CARS1: variants seen among roughly 807,000 people sequenced by gnomAD.
The protein encoded by CARS1 is cysteinyl-tRNA synthetase 1, also known as cysteine--tRNA ligase, cytoplasmic.
Under a neutral mutation model 106.2 loss-of-function variants are expected in CARS1, and 48 were observed. The ratio of observed to expected loss-of-function variants is 0.45; its 90% CI spans 0.36 to 0.57. The LOEUF (loss-of-function observed/expected upper bound fraction) is 0.57, where lower values mean the gene tolerates loss of function less well. Ranked by LOEUF, CARS1 falls within the 20% of genes least tolerant of loss-of-function variation. CARS1 has a pLI of 0.00. For missense variants in CARS1, 968 were observed against 1,057.2 expected (o/e 0.92, Z 1.17); for synonymous variants, 409 against 403.4 (o/e 1.01, Z -0.17).
At position 3,017,580 on chromosome 11, in the gene CARS1, T is replaced by C. The variant is rs1046144744; in HGVS notation, c.1727+277A>G. On this transcript the variant is annotated intron_variant, in intron 15 of 22. Transcript: ENST00000380525. This position sits in a 1 kb window ranked among gnomAD's most constrained non-coding sequence, Gnocchi z 4.9. ...ATCGCTCGAACCCGGGAGGTGGAGG[T>C]TGTGGTGAGCCGAGATCACGCCACT... 4.4e-5 allele frequency: 24 copies of C among 547,184 alleles called. No individual in the cohort carries two copies. The highest frequency in any genetic ancestry group is 4.0e-4 in the African/African-American group (21 of 52,702). The allele number at this position is 547,184 out of a possible 1,614,324, so 33.9% of individuals were successfully genotyped here. A position where few individuals can be genotyped will look rare whatever the true frequency, so the allele number is the denominator to read the frequency against.
In CARS1 at chr11:3,045,071, G is replaced by A. The variant is rs932426031; in HGVS notation, c.274+2682C>T. ...AAGGGTATAGCTGACACTCCTTCCCGGGGGGTAGGGAGAGGCCGGCGGGCT... is the reference window on the plus strand; with the variant it reads ...AAGGGTATAGCTGACACTCCTTCCCAGGGGGTAGGGAGAGGCCGGCGGGCT... On this transcript the variant is annotated intron_variant, in intron 2 of 22. Transcript: ENST00000380525. The surrounding 1 kb of genome is among the most constrained non-coding windows in gnomAD (Gnocchi z 5.6). Among the ~76,000 whole-genome samples, 3 of 152,070 alleles carry A rather than the reference G, an allele frequency of 2.0e-5. No homozygotes were observed. The highest frequency in any genetic ancestry group is 3.8e-4 in the East Asian group (2 of 5,196).
rs1055786636 is a variant in CARS1, at chr11:3,028,029, A to C, written c.1031+967T>G. ...GCGGTCACGCTCCTAGTCCTCCTTC[A>C]TGTTCCATCCTGTACACCTGGCTCT... On this transcript the variant is annotated intron_variant, in intron 9 of 22. Coordinates refer to ENST00000380525, the MANE Select transcript of CARS1 (RefSeq NM_001014437.3). This position sits in a 1 kb window ranked among gnomAD's most constrained non-coding sequence, Gnocchi z 4.4. 1.8e-5 allele frequency: 6 copies of C among 339,144 alleles called. No individual in the cohort carries two copies. Among genetic ancestry groups the C allele is most frequent in the African/African-American group, 1.3e-4 (6 of 47,032 alleles). 21.0% of individuals were successfully genotyped at this position (339,144 alleles called of 1,614,324 possible).
intron 22 of CARS1, 23 bp downstream of exon 22, chr11:3,001,942 TAGAAG>T: frequency 6.5e-7 from 1 of 1,538,226 alleles, no homozygotes; most frequent in Non-Finnish European, 9.0e-7. Context: ...AAGTTCTGAA[TAGAAG>T]AGAAGGATGC....
At chr11:3,051,689 C>A (rs1277855245) in intron 1 of CARS1, among the ~76,000 whole-genome samples, 1 of 152,152 alleles carries the variant, frequency 6.6e-6, no homozygotes, top group Non-Finnish European at 1.5e-5. Context: ...AGAGAACTTG[C>A]CAGAGGGATG....
Position 3,019,906 on chromosome 11 carries a change from C to A in CARS1, c.1266+314G>T, listed in dbSNP as rs750567331. ...CGGGAAGATCAGAACGCATCCTACA[C>A]CCTGGGGCCTGGAATACTCAGAGTC... On this transcript the variant is annotated intron_variant, in intron 11 of 22. Transcript: ENST00000380525. This position sits in a 1 kb window ranked among gnomAD's most constrained non-coding sequence, Gnocchi z 6.2. Among the ~76,000 whole-genome samples the A allele has an allele frequency of 1.3e-5, 2 of 152,196 alleles. No individual in the cohort carries two copies. Among genetic ancestry groups the A allele is most frequent in the African/African-American group, 4.8e-5 (2 of 41,452 alleles).
chr11:3,035,119 C>T (rs554422426), intron 7 of CARS1, among the ~76,000 whole-genome samples: 20 of 152,260 alleles, frequency 1.3e-4, no homozygotes, highest in African/African-American at 4.8e-4. Context: ...CTCTAAAAGG[C>T]CTTACCTCTT....
chr11:3,055,202 C>A (rs962271934), intron 1 of CARS1, among the ~76,000 whole-genome samples: 1 of 152,180 alleles, frequency 6.6e-6, no homozygotes, highest in Non-Finnish European at 1.5e-5. Flanking sequence ...GCTCTGTCGC[C>A]CAGGCTGGAG....
intron 20 of CARS1, 128 bp from the exon 21 acceptor site, chr11:3,002,728 C>T: frequency 6.8e-7 from 1 of 1,467,868 alleles, no homozygotes; most frequent in Non-Finnish European, 9.1e-7. Context: ...TCTGACCAGG[C>T]CCTCCCCACT....
chr11:3,008,807 G>C lies in CARS1; in HGVS notation c.2069-1848C>G, dbSNP rs1264154378. 6.6e-6 allele frequency: 1 copy of C among 152,066 alleles called. No homozygotes were observed. The highest frequency in any genetic ancestry group is 2.4e-5 in the African/African-American group (1 of 41,374). The allele number at this position is 152,066 out of a possible 1,614,324, so 9.4% of individuals were successfully genotyped here. ...CAGCCACCTGAGGAGCAGCTGACTG[G>C]GGCATGAGCTGAGGTAGGTGCCTGC... On this transcript the variant is annotated intron_variant, in intron 18 of 22. Coordinates refer to ENST00000380525, the MANE Select transcript of CARS1 (RefSeq NM_001014437.3). This position sits in a 1 kb window ranked among gnomAD's most constrained non-coding sequence, Gnocchi z 5.1.
intron 21 of CARS1, 61 bp from the exon 22 acceptor site, chr11:3,002,114 G>T: frequency 9.1e-7 from 1 of 1,093,096 alleles, no homozygotes; most frequent in Non-Finnish European, 1.4e-6. Flanking sequence ...TCCGCACTGT[G>T]AACGACATCT....
Position 3,050,653 on chromosome 11 carries a change from C to G in CARS1, c.26-2652G>C, listed in dbSNP as rs967977079. On this transcript the variant is annotated intron_variant, in intron 1 of 22. Coordinates refer to ENST00000380525, the MANE Select transcript of CARS1 (RefSeq NM_001014437.3). The surrounding 1 kb of genome is among the most constrained non-coding windows in gnomAD (Gnocchi z 6.3). ...CAGCACAAGCCTGTCCTCATGCTGG[C>G]CATGGGCCCCCACCTGACTCACAAT... is the stretch of plus-strand genomic sequence containing the variant. Among the ~76,000 whole-genome samples, 8 of 152,220 alleles carry G rather than the reference C, an allele frequency of 5.3e-5. No homozygotes were observed. The highest frequency in any genetic ancestry group is 2.0e-4 in the Admixed American group (3 of 15,284).
intron 2 of CARS1, 110 bp from the exon 3 acceptor site, chr11:3,042,366 A>G: frequency 2.9e-6 from 2 of 698,230 alleles, no homozygotes. Context: ...TTTTCCATGA[A>G]ATTTAAACAA....
At chr11:3,012,374 G>A in intron 17 of CARS1, 98 bp from the exon 18 acceptor site, 1 of 1,038,400 alleles carries the variant, frequency 9.6e-7, no homozygotes, top group Non-Finnish European at 1.5e-6. Context: ...GCAGGGACTG[G>A]CATGGGCAGT....
Position 3,031,022 on chromosome 11 carries a change from G to A in CARS1, c.802-1579C>T, listed in dbSNP as rs1852684001. The A allele has an allele frequency of 2.6e-5, 4 of 152,188 alleles. No individual in the cohort carries two copies. The South Asian group carries it at 8.3e-4, about 32-fold the overall frequency. 9.4% of individuals were successfully genotyped at this position (152,188 alleles called of 1,614,324 possible). On this transcript the variant is annotated intron_variant, in intron 7 of 22. Coordinates refer to ENST00000380525, the MANE Select transcript of CARS1 (RefSeq NM_001014437.3). ...GACACGGAGAAGGATGAGATGAAAT[G>A]ATGAGACTCACATCTAATTGGCAAC...
chr11:3,000,970 C>G lies in CARS1; in HGVS notation c.*144G>C, dbSNP rs973548182. The G allele has an allele frequency of 5.6e-6, 5 of 895,204 alleles. No homozygotes were observed. Among genetic ancestry groups the G allele is most frequent in the Admixed American group, 2.2e-5 (1 of 44,800 alleles). 55.5% of individuals were successfully genotyped at this position (895,204 alleles called of 1,614,324 possible). Reference sequence around the variant, plus strand: ...TTTATTATCAATGTCTCAGAGCCAACGACGACACGAACCTACATGAACACA... The same window carrying G: ...TTTATTATCAATGTCTCAGAGCCAAGGACGACACGAACCTACATGAACACA... On this transcript the variant is annotated 3_prime_UTR_variant, in exon 23 of 23. Transcript: ENST00000380525. This position sits in a 1 kb window ranked among gnomAD's most constrained non-coding sequence, Gnocchi z 7.1.
At position 3,021,958 on chromosome 11, in the gene CARS1, A is replaced by T. The variant is rs1416726285; in HGVS notation, c.1154-1626T>A. Among the ~76,000 whole-genome samples the T allele has an allele frequency of 1.3e-5, 2 of 152,202 alleles. No homozygotes were observed. The highest frequency in any genetic ancestry group is 2.9e-5 in the Non-Finnish European group (2 of 68,040). The stretch of plus-strand genomic sequence containing the variant: ...CATGAAAGTTTATATCTGATTTTTT[A>T]AAAATACGCTTTGAAAAAATTGATA... On this transcript the variant is annotated intron_variant, in intron 10 of 22. Coordinates refer to ENST00000380525, the MANE Select transcript of CARS1 (RefSeq NM_001014437.3). The surrounding 1 kb of genome is among the most constrained non-coding windows in gnomAD (Gnocchi z 5.3).
rs7130841 is a variant in CARS1, at chr11:3,022,428, A to G, written c.1154-2096T>C. Among the ~76,000 whole-genome samples the G allele has an allele frequency of 0.42, 63,737 of 151,678 alleles. 13,792 individuals carry two copies. Among genetic ancestry groups the G allele is most frequent in the African/African-American group, 0.5 (20,507 of 41,354 alleles). ...CAGAGCAATTAAAAACCCCTCCCCA[A>G]ATCTCAGGGAGGCGGATCTGAGGTT... On this transcript the variant is annotated intron_variant, in intron 10 of 22. Transcript: ENST00000380525. The surrounding 1 kb of genome is among the most constrained non-coding windows in gnomAD (Gnocchi z 4.9).
Position 3,049,141 on chromosome 11 carries a change from G to A in CARS1, c.26-1140C>T, listed in dbSNP as rs191342818. ...TTTATTTTTATTTTTTAGAGACAGC[G>A]TCTGACTCTACTGCCCAGGCTGGAG... On this transcript the variant is annotated intron_variant, in intron 1 of 22. Transcript: ENST00000380525. Among the ~76,000 whole-genome samples, 196 of 151,720 alleles carry A rather than the reference G, an allele frequency of 1.3e-3. 1 individual carries two copies. Among genetic ancestry groups the A allele is most frequent in the Non-Finnish European group, 2.3e-3 (156 of 67,968 alleles).
intron 16 of CARS1, 61 bp from the exon 17 acceptor site, chr11:3,015,910 C>T: frequency 7.2e-7 from 1 of 1,389,056 alleles, no homozygotes. Context: ...ATGTGGCGAG[C>T]AGCTGTGAGC....
Sources: gnomAD v4.1 joint callset for allele counts (sites outside exome capture counted in the v4.1 genomes callset) on GRCh38, gnomAD v4.1.1 for gene constraint, Gnocchi (gnomAD v3.1) non-coding constraint, MANE v1.5 for transcripts, NCBI Gene and HGNC (gene_info 2026-07-23, HGNC 2026-07-21) for gene names.